OPCML: variants seen among roughly 807,000 people sequenced by gnomAD.
The protein encoded by OPCML is opioid-binding protein/cell adhesion molecule.
In OPCML, 13 loss-of-function variants were observed where a neutral mutation model predicts 37.8. That is an observed-to-expected ratio of 0.34 (90% confidence interval 0.22 to 0.55). The LOEUF (loss-of-function observed/expected upper bound fraction) is 0.55, where lower values mean the gene tolerates loss of function less well. Among genes scored for constraint, OPCML ranks in the 20% least tolerant of loss-of-function variants. The probability of loss-of-function intolerance (pLI) is 0.91; values close to 1 mark genes in which losing one functional copy is unlikely to be tolerated. For synonymous variants in OPCML, 176 were observed against 168.8 expected, an observed-to-expected ratio of 1.04 and a Z score of -0.33; for missense variants, 341 against 435.6, an observed-to-expected ratio of 0.78 and a Z score of 1.93.
chr11:133,402,463 A>G (rs968094834), intron 1 of OPCML, among the ~76,000 whole-genome samples: 2 of 152,224 alleles, frequency 1.3e-5, no homozygotes, highest in Non-Finnish European at 2.9e-5. Flanking sequence ...CTAGATTTCT[A>G]GAGAAATCTA....
At chr11:132,663,549 T>C (rs1243566921) in intron 2 of OPCML, among the ~76,000 whole-genome samples, 3 of 152,222 alleles carry the variant, frequency 2.0e-5, no homozygotes, top group Non-Finnish European at 2.9e-5. Context: ...TGCACCTGTG[T>C]TCACCACACT....
At chr11:133,518,229 G>C (rs771468454) in intron 1 of OPCML, among the ~76,000 whole-genome samples, 1 of 151,874 alleles carries the variant, frequency 6.6e-6, no homozygotes, top group Admixed American at 6.6e-5. Context: ...GTGGGGGGGT[G>C]TGTTTGTGCT....
At chr11:132,867,009 C>A (rs1192351593) in intron 2 of OPCML, among the ~76,000 whole-genome samples, 1 of 152,226 alleles carries the variant, frequency 6.6e-6, no homozygotes, top group Admixed American at 6.5e-5. Flanking sequence ...TAACACAATG[C>A]ATGACACATC....
chr11:133,238,204 C>G (rs141714565), intron 1 of OPCML, among the ~76,000 whole-genome samples: 1 of 152,218 alleles, frequency 6.6e-6, no homozygotes, highest in Non-Finnish European at 1.5e-5. Context: ...CAGGACCAGG[C>G]GTTCTGGGCT....
chr11:133,282,575 G>A (rs958211083), intron 1 of OPCML, among the ~76,000 whole-genome samples: 2 of 152,202 alleles, frequency 1.3e-5, no homozygotes, highest in African/African-American at 4.8e-5. Context: ...GGGGAAATGG[G>A]GGGATGAAGC....
chr11:132,489,763 G>T (rs181919170), intron 4 of OPCML, among the ~76,000 whole-genome samples: 17 of 152,200 alleles, frequency 1.1e-4, no homozygotes, highest in African/African-American at 4.1e-4. Flanking sequence ...ATGGTGGTTT[G>T]CTGCATCCAT....
intron 1 of OPCML, among the ~76,000 whole-genome samples, chr11:133,270,865 A>G (rs1565540541): frequency 6.6e-6 from 1 of 152,172 alleles, no homozygotes; most frequent in South Asian, 2.1e-4. Context: ...CTGTGCTACC[A>G]AGTTTACAGA....
intron 1 of OPCML, chr11:133,009,189 T>A: frequency 3.0e-6 from 3 of 985,356 alleles, no homozygotes; most frequent in Non-Finnish European, 3.6e-6. Flanking sequence ...ACACATTGTC[T>A]CTAACATATG....
At chr11:132,697,034 G>A (rs1338134398) in intron 2 of OPCML, among the ~76,000 whole-genome samples, 1 of 152,026 alleles carries the variant, frequency 6.6e-6, no homozygotes, top group Admixed American at 6.5e-5. Flanking sequence ...CTATATAAAG[G>A]ATTAGTCATC....
At chr11:132,569,086 C>T (rs146732085) in intron 3 of OPCML, among the ~76,000 whole-genome samples, 14 of 152,320 alleles carry the variant, frequency 9.2e-5, no homozygotes, top group African/African-American at 2.9e-4. Context: ...CACTCGCCTG[C>T]GGTCGGGGCT....
At chr11:132,911,533 G>T (rs1222259289) in intron 2 of OPCML, among the ~76,000 whole-genome samples, 1 of 152,206 alleles carries the variant, frequency 6.6e-6, no homozygotes, top group Non-Finnish European at 1.5e-5. Context: ...GGACTGACAT[G>T]TTATGCGAAA....
chr11:132,771,581 A>T (rs2136124136), intron 2 of OPCML: 1 of 152,318 alleles, frequency 6.6e-6, no homozygotes, highest in East Asian at 1.9e-4. Flanking sequence ...ACACTCATTT[A>T]TATCTAAGGA....
In OPCML at chr11:133,235,601, C is replaced by G. The variant is rs1351628156; in HGVS notation, c.62-292591G>C. On this transcript the variant is annotated intron_variant, in intron 1 of 7. Coordinates refer to ENST00000524381, the MANE Select transcript of OPCML (RefSeq NM_001012393.5). ...GGCAGAAGTCAGAACACATTGCATG[C>G]AGCTGCTGCCTGTAAGAGCTGCAAG... is the stretch of plus-strand genomic sequence containing the variant. Among the ~76,000 whole-genome samples the G allele has an allele frequency of 1.3e-5, 2 of 152,222 alleles. 1 individual carries two copies. The highest frequency in any genetic ancestry group is 2.9e-5 in the Non-Finnish European group (2 of 68,044).
chr11:132,463,836 G>A (rs1008420923), intron 4 of OPCML, among the ~76,000 whole-genome samples: 2 of 152,150 alleles, frequency 1.3e-5, no homozygotes, highest in Non-Finnish European at 2.9e-5. Context: ...TGATAGGTTT[G>A]ACTATTGCTA....
intron 1 of OPCML, among the ~76,000 whole-genome samples, chr11:133,185,480 A>G (rs1938029418): frequency 6.6e-6 from 1 of 152,234 alleles, no homozygotes; most frequent in African/African-American, 2.4e-5. Context: ...TCTACAATGC[A>G]ACTCATAGGA....
intron 1 of OPCML, among the ~76,000 whole-genome samples, chr11:133,471,057 T>C (rs1947100399): frequency 6.6e-6 from 1 of 152,156 alleles, no homozygotes; most frequent in Non-Finnish European, 1.5e-5. Flanking sequence ...TAAGACATGA[T>C]CCCTGTCCTT....
At chr11:132,866,875 T>C (rs2136379435) in intron 2 of OPCML, among the ~76,000 whole-genome samples, 1 of 152,204 alleles carries the variant, frequency 6.6e-6, no homozygotes, top group East Asian at 1.9e-4. Context: ...TGACTTCAAG[T>C]CCCTTGATCT....
intron 1 of OPCML, among the ~76,000 whole-genome samples, chr11:133,259,460 A>T (rs1954844): frequency 1.3e-5 from 2 of 151,942 alleles, no homozygotes; most frequent in African/African-American, 4.8e-5. Flanking sequence ...TTTCACCCCT[A>T]CTAGGCCACC....
chr11:133,133,853 GA>G (rs1236728585), intron 1 of OPCML, among the ~76,000 whole-genome samples: 1 of 152,072 alleles, frequency 6.6e-6, no homozygotes, highest in African/African-American at 2.4e-5. Flanking sequence ...ATTCGGGGGG[GA>G]AAAAGCCTAG....
Sources: gnomAD v4.1 joint callset for allele counts (sites outside exome capture counted in the v4.1 genomes callset) on GRCh38, gnomAD v4.1.1 for gene constraint, MANE v1.5 for transcripts, NCBI Gene and HGNC (gene_info 2026-07-23, HGNC 2026-07-21) for gene names.